SH3PXD2A: variants seen among roughly 807,000 people sequenced by gnomAD.
SH3PXD2A encodes the protein SH3 and PX domains 2A, also known as SH3 and PX domain-containing protein 2A.
In SH3PXD2A, 32 loss-of-function variants were observed where a neutral mutation model predicts 115.2. The ratio of observed to expected loss-of-function variants is 0.28; its 90% CI spans 0.21 to 0.37. SH3PXD2A has a LOEUF of 0.37. SH3PXD2A is among the 10% of genes least tolerant of loss of function. SH3PXD2A has a pLI of 1.00. For synonymous variants in SH3PXD2A, 610 were observed against 629.1 expected (o/e 0.97, Z 0.45); for missense variants, 1,328 against 1,498.7 (o/e 0.89, Z 1.88).
At chr10:103,812,472 A>G (rs2039280103) in intron 1 of SH3PXD2A, among the ~76,000 whole-genome samples, 1 of 152,100 alleles carries the variant, frequency 6.6e-6, no homozygotes, top group Non-Finnish European at 1.5e-5. Flanking sequence ...AGGGGCTTGG[A>G]AACAACCCAG....
intron 1 of SH3PXD2A, among the ~76,000 whole-genome samples, chr10:103,854,812 C>T (rs1842925417): frequency 6.6e-6 from 1 of 152,152 alleles, no homozygotes; most frequent in African/African-American, 2.4e-5. Flanking sequence ...GCATCTCGGG[C>T]TGTGTGAGCG....
chr10:103,654,296 C>T (rs568158806), intron 8 of SH3PXD2A, among the ~76,000 whole-genome samples: 1 of 152,302 alleles, frequency 6.6e-6, no homozygotes, highest in Non-Finnish European at 1.5e-5. Flanking sequence ...AGTCTGGCCC[C>T]AGAATGGGTT....
Position 103,597,884 on chromosome 10 carries a change from A to AT in SH3PXD2A, c.*3931dup, listed in dbSNP as rs1182965057. ...TACAATAACAGGAAAAATAGGGGTT[A>AT]TTTTATCTTTTTCCCCTTATTAAAA... On this transcript the variant is annotated 3_prime_UTR_variant, in exon 15 of 15. Transcript: ENST00000369774. 6.6e-6 allele frequency: 1 copy of AT among 152,614 alleles called. No homozygotes were observed. The highest frequency in any genetic ancestry group is 1.9e-4 in the East Asian group (1 of 5,190). 9.5% of individuals were successfully genotyped at this position (152,614 alleles called of 1,614,324 possible).
intron 1 of SH3PXD2A, among the ~76,000 whole-genome samples, chr10:103,827,161 G>T (rs2039438489): frequency 6.6e-6 from 1 of 152,132 alleles, no homozygotes; most frequent in African/African-American, 2.4e-5. Context: ...CACCTCTTCG[G>T]AGCCATGGAA....
chr10:103,651,680 G>A (rs1415742111), intron 8 of SH3PXD2A, among the ~76,000 whole-genome samples: 1 of 152,180 alleles, frequency 6.6e-6, no homozygotes, highest in Non-Finnish European at 1.5e-5. Context: ...TTGCCAAGAT[G>A]TTTTATAGAC....
rs2039008446 is a variant in SH3PXD2A, at chr10:103,789,108, T to C, written c.153+12174A>G. Among the ~76,000 whole-genome samples the C allele has an allele frequency of 2.6e-5, 4 of 151,972 alleles. No homozygotes were observed. In the South Asian group the frequency reaches 8.3e-4, roughly 32 times the overall value. The stretch of plus-strand genomic sequence containing the variant: ...CTCAGGCTCCCATAGCTTACCAGAC[T>C]GCCCTACATGCCTCATTCCAAAAGA... On this transcript the variant is annotated intron_variant, in intron 2 of 14. Coordinates refer to ENST00000369774, the MANE Select transcript of SH3PXD2A (RefSeq NM_001394015.1).
At chr10:103,657,430 C>T (rs1169844533) in intron 8 of SH3PXD2A, among the ~76,000 whole-genome samples, 4 of 152,154 alleles carry the variant, frequency 2.6e-5, no homozygotes, top group Non-Finnish European at 4.4e-5. Context: ...AAAGAGGAGG[C>T]GCCTTATGCA....
At chr10:103,661,950 C>A in intron 7 of SH3PXD2A, 5 of 985,342 alleles carry the variant, frequency 5.1e-6, no homozygotes, top group Non-Finnish European at 4.8e-6. Flanking sequence ...TCCTGCCCCT[C>A]GGGCTCACCC....
chr10:103,664,861 T>C (rs1228527456), intron 7 of SH3PXD2A, among the ~76,000 whole-genome samples: 1 of 152,028 alleles, frequency 6.6e-6, no homozygotes, highest in Non-Finnish European at 1.5e-5. Flanking sequence ...TTAGTAGAGA[T>C]GGAGTTTCAC....
At chr10:103,803,918 T>C (rs919248575) in intron 1 of SH3PXD2A, among the ~76,000 whole-genome samples, 3 of 152,192 alleles carry the variant, frequency 2.0e-5, no homozygotes, top group Non-Finnish European at 4.4e-5. Context: ...TGGTTCCATC[T>C]GGAAGGGTGA....
chr10:103,846,758 C>T (rs1842851901), intron 1 of SH3PXD2A, among the ~76,000 whole-genome samples: 1 of 152,174 alleles, frequency 6.6e-6, no homozygotes, highest in Non-Finnish European at 1.5e-5. Flanking sequence ...ACCAACTAGG[C>T]CTAAGGTGGA....
chr10:103,791,825 T>A (rs1476329045), intron 2 of SH3PXD2A, among the ~76,000 whole-genome samples: 4 of 152,022 alleles, frequency 2.6e-5, no homozygotes, highest in Non-Finnish European at 5.9e-5. Context: ...CAACCCAAAC[T>A]TTTCCCAACA....
intron 14 of SH3PXD2A, among the ~76,000 whole-genome samples, chr10:103,605,300 T>G (rs1276740607): frequency 6.6e-6 from 1 of 152,152 alleles, no homozygotes; most frequent in Non-Finnish European, 1.5e-5. Flanking sequence ...CTAACAACAC[T>G]TCCTGATGTG....
intron 4 of SH3PXD2A, among the ~76,000 whole-genome samples, chr10:103,728,986 C>T (rs1018594586): frequency 7.8e-4 from 119 of 151,770 alleles, no homozygotes; most frequent in African/African-American, 2.6e-3. Flanking sequence ...TCCCCCTCGC[C>T]GGGTTCAAGC....
At chr10:103,798,602 G>A (rs2039117386) in intron 2 of SH3PXD2A, among the ~76,000 whole-genome samples, 1 of 152,230 alleles carries the variant, frequency 6.6e-6, no homozygotes, top group African/African-American at 2.4e-5. Flanking sequence ...CCCCCAGGAG[G>A]CTTAGAACCA....
intron 8 of SH3PXD2A, among the ~76,000 whole-genome samples, chr10:103,641,111 G>A (rs2036949205): frequency 6.6e-6 from 1 of 152,232 alleles, no homozygotes; most frequent in Admixed American, 6.5e-5. Flanking sequence ...GGTCTGAACA[G>A]ATGGTAATGA....
chr10:103,657,122 G>C (rs1304561404), intron 8 of SH3PXD2A, among the ~76,000 whole-genome samples: 1 of 151,956 alleles, frequency 6.6e-6, no homozygotes, highest in Non-Finnish European at 1.5e-5. Context: ...TGATGGACCA[G>C]GAGCTCAAAA....
At chr10:103,603,872 G>T (rs1185457636) in intron 14 of SH3PXD2A, 83 bp from the exon 15 acceptor site, 59 of 1,399,050 alleles carry the variant, frequency 4.2e-5, no homozygotes, top group Non-Finnish European at 5.3e-5. Context: ...TCATACTTTG[G>T]CTCTGGGATA....
At position 103,660,913 on chromosome 10, in the gene SH3PXD2A, G is replaced by GA. The variant is rs1444426695; in HGVS notation, c.604+69dup. ...GCTGCAGCGGTGGGGGAGGAGGGAG[G>GA]AACAAAAACCAGCTCGGCCCGGGGG... On this transcript the variant is annotated intron_variant, in intron 8 of 14. Transcript: ENST00000369774. 3.3e-6 allele frequency: 5 copies of GA among 1,534,556 alleles called. No homozygotes were observed. In the African/African-American group the frequency reaches 6.8e-5, roughly 21 times the overall value.
Sources: allele counts gnomAD v4.1 joint callset (sites outside exome capture counted in the v4.1 genomes callset), GRCh38; gene constraint gnomAD v4.1.1; transcripts MANE v1.5; gene names NCBI Gene and HGNC (gene_info 2026-07-23, HGNC 2026-07-21).